FRMD3: variants seen among roughly 807,000 people sequenced by gnomAD.
FRMD3 encodes the protein FERM domain-containing protein 3.
In FRMD3, 33 loss-of-function variants were observed where a neutral mutation model predicts 70.2. The observed-to-expected ratio is 0.47, with a 90% CI of 0.36 to 0.63. The LOEUF is 0.63. Among genes scored for constraint, FRMD3 ranks in the 20% least tolerant of loss-of-function variants. The pLI is 0.00. For synonymous variants in FRMD3, 279 were observed against 255.9 expected, an observed-to-expected ratio of 1.09 and a Z score of -0.86; for missense variants, 632 against 711.4, an observed-to-expected ratio of 0.89 and a Z score of 1.27.
chr9:83,243,805 T>G (rs978362710), downstream of FRMD3, among the ~76,000 whole-genome samples: 8 of 152,108 alleles, frequency 5.3e-5, no homozygotes, highest in African/African-American at 1.9e-4. Context: ...CCCTTTTGTT[T>G]CATTCCAAGT....
At chr9:83,359,785 C>T (rs1263197132) in intron 3 of FRMD3, among the ~76,000 whole-genome samples, 3 of 152,118 alleles carry the variant, frequency 2.0e-5, no homozygotes, top group East Asian at 1.9e-4. Flanking sequence ...GCCTGCGACC[C>T]GTCGTAGAGA....
At chr9:83,481,278 T>C (rs946568680) in intron 1 of FRMD3, among the ~76,000 whole-genome samples, 3 of 152,236 alleles carry the variant, frequency 2.0e-5, no homozygotes, top group African/African-American at 7.2e-5. Flanking sequence ...ATTCCAATGA[T>C]GCAAGTGTGT....
chr9:83,468,572 T>C (rs557298081), intron 1 of FRMD3, among the ~76,000 whole-genome samples: 1 of 152,312 alleles, frequency 6.6e-6, no homozygotes, highest in African/African-American at 2.4e-5. Context: ...ATTAGGCTTA[T>C]GGCCCAGACA....
At chr9:83,369,518 A>T (rs1824899567) in intron 3 of FRMD3, among the ~76,000 whole-genome samples, 2 of 152,000 alleles carry the variant, frequency 1.3e-5, no homozygotes, top group Admixed American at 1.3e-4. Context: ...CAGAGGTTGC[A>T]GTGAGCCAAG....
Position 83,252,846 on chromosome 9 carries a change from C to T in FRMD3, c.1196-4330G>A, listed in dbSNP as rs181814738. 1.1e-4 allele frequency among the ~76,000 whole-genome samples: 17 copies of T among 152,264 alleles called. No homozygotes were observed. The East Asian group carries it at 2.9e-3, about 26-fold the overall frequency. On this transcript the variant is annotated intron_variant, in intron 13 of 13. Transcript: ENST00000304195. ...AATATATATGCACCCAATACAGGAGCACCCAGATTCATAAAGCAAGTGCTT... is the reference window on the plus strand; with the variant it reads ...AATATATATGCACCCAATACAGGAGTACCCAGATTCATAAAGCAAGTGCTT...
chr9:83,527,187 C>G (rs1829702419), intron 1 of FRMD3, among the ~76,000 whole-genome samples: 1 of 152,162 alleles, frequency 6.6e-6, no homozygotes, highest in South Asian at 2.1e-4. Context: ...GACTGGGAAG[C>G]CTGGCCCAGA....
chr9:83,480,638 G>A (rs1828546267), intron 1 of FRMD3, among the ~76,000 whole-genome samples: 1 of 151,914 alleles, frequency 6.6e-6, no homozygotes. Flanking sequence ...TGGGATTACA[G>A]GCACCTGCCA....
intron 13 of FRMD3, among the ~76,000 whole-genome samples, chr9:83,262,796 G>A (rs765642391): frequency 6.6e-6 from 1 of 152,122 alleles, no homozygotes; most frequent in African/African-American, 2.4e-5. Flanking sequence ...TATGTCCTCT[G>A]GGAAGGCTCT....
At chr9:83,490,601 A>G (rs1387083194) in intron 1 of FRMD3, among the ~76,000 whole-genome samples, 1 of 152,098 alleles carries the variant, frequency 6.6e-6, no homozygotes, top group Non-Finnish European at 1.5e-5. Context: ...ACATTCTTTA[A>G]TGGAATTAAC....
chr9:83,462,579 G>A (rs975506094), intron 1 of FRMD3, among the ~76,000 whole-genome samples: 1 of 152,062 alleles, frequency 6.6e-6, no homozygotes, highest in Non-Finnish European at 1.5e-5. Context: ...TGTTTCCATG[G>A]TAACCGCTTT....
intron 4 of FRMD3, among the ~76,000 whole-genome samples, chr9:83,344,876 T>C (rs1823902454): frequency 6.6e-6 from 1 of 151,022 alleles, no homozygotes; most frequent in South Asian, 2.1e-4. Flanking sequence ...TGGTTCTATT[T>C]CTCTGGAGAA....
chr9:83,403,122 T>G (rs929716116), intron 1 of FRMD3, among the ~76,000 whole-genome samples: 1 of 151,986 alleles, frequency 6.6e-6, no homozygotes, highest in East Asian at 1.9e-4. Context: ...CAGGCTGGTC[T>G]CGAACTCCTG....
intron 10 of FRMD3, among the ~76,000 whole-genome samples, chr9:83,307,172 A>T (rs1835165759): frequency 1.3e-5 from 2 of 152,222 alleles, no homozygotes; most frequent in Non-Finnish European, 2.9e-5. Flanking sequence ...CTAACTGAAC[A>T]TCTGTAAGTT....
At chr9:83,492,703 G>T (rs1041856453) in intron 1 of FRMD3, among the ~76,000 whole-genome samples, 1 of 152,186 alleles carries the variant, frequency 6.6e-6, no homozygotes, top group African/African-American at 2.4e-5. Flanking sequence ...TCTCCACTCA[G>T]TTCCAGCTGT....
chr9:83,511,074 C>T lies in FRMD3; in HGVS notation c.147+27011G>A, dbSNP rs570704445. 2.6e-5 allele frequency among the ~76,000 whole-genome samples: 4 copies of T among 152,320 alleles called. No homozygotes were observed. In the East Asian group the frequency reaches 7.7e-4, roughly 29 times the overall value. On this transcript the variant is annotated intron_variant, in intron 1 of 13. Transcript: ENST00000304195. Reference sequence around the variant, plus strand: ...TGTGGGAGGATCCCACTCACAGACTCCCAACAGCACCAACCTTCCTTAAGA... The same window carrying T: ...TGTGGGAGGATCCCACTCACAGACTTCCAACAGCACCAACCTTCCTTAAGA...
chr9:83,396,513 G>T (rs6559722), intron 1 of FRMD3, among the ~76,000 whole-genome samples: 2 of 151,980 alleles, frequency 1.3e-5, no homozygotes, highest in Non-Finnish European at 2.9e-5. Context: ...GCTCTAGCTT[G>T]GTTGGTATGA....
At chr9:83,370,855 G>A (rs1439893035) in intron 3 of FRMD3, among the ~76,000 whole-genome samples, 1 of 152,152 alleles carries the variant, frequency 6.6e-6, no homozygotes, top group Non-Finnish European at 1.5e-5. Flanking sequence ...AGATTGCAGT[G>A]AGCCAAGATT....
At chr9:83,449,973 C>CT (rs898549071) in intron 1 of FRMD3, among the ~76,000 whole-genome samples, 8 of 151,968 alleles carry the variant, frequency 5.3e-5, no homozygotes, top group African/African-American at 1.4e-4. Flanking sequence ...GCCTCAATAA[C>CT]TTTTTTTTTA....
chr9:83,368,433 G>A (rs1385969013), intron 3 of FRMD3, among the ~76,000 whole-genome samples: 3 of 152,028 alleles, frequency 2.0e-5, no homozygotes, highest in Non-Finnish European at 4.4e-5. Flanking sequence ...CTGGGTTCAC[G>A]CCATTCTCCT....
Sources: gnomAD v4.1 joint callset for allele counts (sites outside exome capture counted in the v4.1 genomes callset) on GRCh38, gnomAD v4.1.1 for gene constraint, MANE v1.5 for transcripts, NCBI Gene and HGNC (gene_info 2026-07-23, HGNC 2026-07-21) for gene names.